Variants in BRAF observed in about 807,000 individuals in gnomAD.
The protein encoded by BRAF is serine/threonine-protein kinase B-raf.
BRAF carries 16 observed loss-of-function variants against 104.6 expected under a neutral mutation model. That is an observed-to-expected ratio of 0.15 (90% CI 0.10 to 0.23). The LOEUF (loss-of-function observed/expected upper bound fraction) is 0.23, where lower values mean the gene tolerates loss of function less well. Ranked by LOEUF, BRAF falls within the 10% of genes least tolerant of loss-of-function variation. The pLI is 1.00. For synonymous variants in BRAF, 310 were observed against 341.6 expected (o/e 0.91, Z 1.02); for missense variants, 541 against 937.3 (o/e 0.58, Z 5.52).
intron 12 of BRAF, among the ~76,000 whole-genome samples, chr7:140,779,368 C>G (rs868344943): frequency 6.6e-6 from 1 of 152,166 alleles, no homozygotes; most frequent in Non-Finnish European, 1.5e-5. Context: ...TCCTCAATAG[C>G]TGGGAGTACA....
intron 3 of BRAF, among the ~76,000 whole-genome samples, chr7:140,829,200 G>A (rs181868024): frequency 6.9e-5 from 3 of 43,346 alleles, no homozygotes; most frequent in Non-Finnish European, 4.4e-4. Flanking sequence ...TTTTTTTTGT[G>A]GGGGGGGGCA....
At chr7:140,733,914 T>G (rs1796177234) in intron 19 of BRAF, 1 of 802,346 alleles carries the variant, frequency 1.2e-6, no homozygotes, top group African/African-American at 1.9e-5. Context: ...GAAACTCCAA[T>G]TTATAACATT....
At chr7:140,843,097 A>G (rs1808153490) in intron 2 of BRAF, among the ~76,000 whole-genome samples, 1 of 152,218 alleles carries the variant, frequency 6.6e-6, no homozygotes. Flanking sequence ...AGAAAAACTG[A>G]ACACTGGAAA....
At position 140,844,724 on chromosome 7, in the gene BRAF, G is replaced by C. The variant is rs192920960; in HGVS notation, c.240+5387C>G. 7.8e-3 allele frequency among the ~76,000 whole-genome samples: 1,191 copies of C among 152,254 alleles called. 21 individuals are homozygous for C. Among genetic ancestry groups the C allele is most frequent in the African/African-American group, 0.027 (1,129 of 41,534 alleles). ...GTGGATCACTTGAGGTCAGGAGTTC[G>C]AGATTGGCCTGGTCAACATGGTGAA... On this transcript the variant is annotated intron_variant, in intron 2 of 19. Coordinates refer to ENST00000644969, the MANE Select transcript of BRAF (RefSeq NM_001374258.1).
intron 3 of BRAF, among the ~76,000 whole-genome samples, chr7:140,827,992 G>T (rs1806260480): frequency 6.6e-6 from 1 of 152,092 alleles, no homozygotes; most frequent in Non-Finnish European, 1.5e-5. Flanking sequence ...CACCTCCCAG[G>T]TTCAAGCGAT....
At position 140,781,425 on chromosome 7, in the gene BRAF, T is replaced by C. The variant is rs9886143; in HGVS notation, c.1552+151A>G. The C allele has an allele frequency of 3.7e-3, 2,892 of 773,818 alleles. 57 individuals carry two copies. In the African/African-American group the frequency reaches 0.041, roughly 11 times the overall value. 47.9% of individuals were successfully genotyped at this position (773,818 alleles called of 1,614,324 possible). ...CAGTTTTTATTTCCCATAATTTTTGTTAGAAACTTTTGGAGGAGTCCTGAA... is the reference window on the plus strand; with the variant it reads ...CAGTTTTTATTTCCCATAATTTTTGCTAGAAACTTTTGGAGGAGTCCTGAA... On this transcript the variant is annotated intron_variant, in intron 12 of 19. Transcript: ENST00000644969.
At position 140,890,923 on chromosome 7, in the gene BRAF, C is replaced by T. The variant is rs1335184987; in HGVS notation, c.138+33643G>A. 3.9e-5 allele frequency among the ~76,000 whole-genome samples: 6 copies of T among 152,262 alleles called. No homozygotes were observed. In the East Asian group the frequency reaches 5.8e-4, roughly 15 times the overall value. ...CTAAGCAACAGTTTAAGAGTCATAC[C>T]ACAATTCTGATTTAAAGTAAAAGTA... On this transcript the variant is annotated intron_variant, in intron 1 of 19. Transcript: ENST00000644969.
At chr7:140,729,182 C>A (rs150326659) in intron 19 of BRAF, among the ~76,000 whole-genome samples, 30 of 152,062 alleles carry the variant, frequency 2.0e-4, no homozygotes, top group Middle Eastern at 3.4e-3. Flanking sequence ...CTGCAGTGAG[C>A]CAGGATTGTA....
chr7:140,762,603 G>GTTT (rs774057622), intron 14 of BRAF, among the ~76,000 whole-genome samples: 33 of 96,194 alleles, frequency 3.4e-4, no homozygotes, highest in African/African-American at 1.0e-3. Context: ...TCCAGGAGCT[G>GTTT]TTTTTTTTTT....
At position 140,850,144 on chromosome 7, in the gene BRAF, A is replaced by T. The variant is rs1809004446; in HGVS notation, c.207T>A (p.Gly69=). 6.2e-7 allele frequency: 1 copy of T among 1,611,836 alleles called. No individual in the cohort carries two copies. Among genetic ancestry groups the T allele is most frequent in the Admixed American group, 1.7e-5 (1 of 59,998 alleles). Residue 69 remains glycine (G), a synonymous_variant, in exon 2 of 20, where the codon GGT becomes GGA. Transcript: ENST00000644969. ...EHIEALLDKF[G]GEHNPPSIYL... Reference sequence around the variant, plus strand: ...ATATTGATGGTGGATTATGCTCCCCACCAAATTTGTCCAATAGGGCCTCTA... The same window carrying T: ...ATATTGATGGTGGATTATGCTCCCCTCCAAATTTGTCCAATAGGGCCTCTA...
intron 1 of BRAF, among the ~76,000 whole-genome samples, chr7:140,881,075 G>C (rs1027530518): frequency 1.3e-5 from 2 of 152,190 alleles, no homozygotes; most frequent in African/African-American, 4.8e-5. Context: ...TGTTGGAAGG[G>C]ATCTTTTTTT....
At chr7:140,917,546 G>C (rs763121441) in intron 1 of BRAF, among the ~76,000 whole-genome samples, 1 of 152,146 alleles carries the variant, frequency 6.6e-6, no homozygotes, top group African/African-American at 2.4e-5. Context: ...AAGATTGCTT[G>C]AGCCCAGAGT....
At chr7:140,874,921 G>A (rs1359659793) in intron 1 of BRAF, among the ~76,000 whole-genome samples, 3 of 152,088 alleles carry the variant, frequency 2.0e-5, no homozygotes, top group South Asian at 2.1e-4. Flanking sequence ...AAAAGTATGT[G>A]GCACCCTCCC....
intron 3 of BRAF, among the ~76,000 whole-genome samples, chr7:140,828,023 A>G (rs1262836230): frequency 6.6e-6 from 1 of 151,948 alleles, no homozygotes; most frequent in African/African-American, 2.4e-5. Flanking sequence ...CAGCCTCCCA[A>G]ATAGCTGGGT....
chr7:140,746,828 T>C (rs1008137290), intron 17 of BRAF, among the ~76,000 whole-genome samples: 20 of 146,914 alleles, frequency 1.4e-4, no homozygotes, highest in African/African-American at 5.0e-4. Context: ...AGACTCCGTC[T>C]TGGAAAAAAA....
chr7:140,917,119 G>A (rs1477702193), intron 1 of BRAF, among the ~76,000 whole-genome samples: 1 of 152,226 alleles, frequency 6.6e-6, no homozygotes, highest in Non-Finnish European at 1.5e-5. Context: ...GGAGTGCAAT[G>A]ACGCGATCTC....
At chr7:140,855,423 T>C (rs1809663755) in intron 1 of BRAF, among the ~76,000 whole-genome samples, 2 of 151,988 alleles carry the variant, frequency 1.3e-5, no homozygotes, top group Non-Finnish European at 2.9e-5. Context: ...TTTTAGTGAC[T>C]TTACAAATGG....
intron 7 of BRAF, among the ~76,000 whole-genome samples, chr7:140,795,311 C>A (rs146458521): frequency 1.1e-4 from 16 of 152,200 alleles, no homozygotes; most frequent in African/African-American, 3.6e-4. Context: ...AAGGATGTAG[C>A]CCCTCAGAAA....
At chr7:140,917,370 T>G (rs577161883) in intron 1 of BRAF, among the ~76,000 whole-genome samples, 1 of 152,192 alleles carries the variant, frequency 6.6e-6, no homozygotes, top group Non-Finnish European at 1.5e-5. Flanking sequence ...CCCACTGATA[T>G]GACTTTTATA....
Sources: allele counts gnomAD v4.1 joint callset (sites outside exome capture counted in the v4.1 genomes callset), GRCh38; gene constraint gnomAD v4.1.1; transcripts MANE v1.5; gene names NCBI Gene and HGNC (gene_info 2026-07-23, HGNC 2026-07-21).